Variants in ASCC3 observed in about 807,000 individuals in gnomAD.
The protein encoded by ASCC3 is ASC-1 complex subunit P200.
ASCC3 carries 158 observed loss-of-function variants against 256.3 expected under a neutral mutation model. The observed-to-expected ratio is 0.62, with a 90% CI of 0.54 to 0.70. ASCC3 has a LOEUF of 0.70. Ranked by LOEUF, ASCC3 falls within the 30% of genes least tolerant of loss-of-function variation. The pLI is 0.00. For synonymous variants in ASCC3, 948 were observed against 883.4 expected (o/e 1.07, Z -1.30); for missense variants, 2,259 against 2,626.0 (o/e 0.86, Z 3.05).
At chr6:100,829,495 C>A (rs976666910) in intron 4 of ASCC3, among the ~76,000 whole-genome samples, 1 of 151,994 alleles carries the variant, frequency 6.6e-6, no homozygotes, top group African/African-American at 2.4e-5. Context: ...CGGGGCCCAC[C>A]GAGCCCACGC....
chr6:100,621,662 T>C (rs1051227476), intron 30 of ASCC3, among the ~76,000 whole-genome samples: 1 of 152,142 alleles, frequency 6.6e-6, no homozygotes, highest in Non-Finnish European at 1.5e-5. Context: ...AGTTCAACCA[T>C]TGTGGAAGAC....
intron 34 of ASCC3, among the ~76,000 whole-genome samples, chr6:100,596,961 G>A (rs574717494): frequency 1.3e-4 from 20 of 152,180 alleles, no homozygotes; most frequent in African/African-American, 3.9e-4. Flanking sequence ...CTACTTCAGC[G>A]ACATCTTTTC....
intron 36 of ASCC3, among the ~76,000 whole-genome samples, chr6:100,584,682 T>C (rs889325397): frequency 6.6e-6 from 1 of 152,214 alleles, no homozygotes; most frequent in Non-Finnish European, 1.5e-5. Flanking sequence ...CTAGTCTCGA[T>C]GGTCTTTAGA....
chr6:100,518,097 G>T lies in ASCC3; in HGVS notation c.5821C>A (p.Leu1941Met). The T allele has an allele frequency of 6.2e-7, 1 of 1,613,622 alleles. No homozygotes were observed. The highest frequency in any genetic ancestry group is 8.5e-7 in the Non-Finnish European group (1 of 1,179,712). Residue 1941 changes from leucine to methionine, a missense_variant, in exon 38 of 42, where the codon CTG becomes ATG. Physicochemically the swap from Leu to Met is conservative, Grantham distance 15 (BLOSUM62 2). Around this residue, in one of 2 missense-constraint regions of ASCC3, gnomAD observed 1,839 missense variants for 2,206.7 expected, o/e 0.83. Coordinates refer to ENST00000369162, the MANE Select transcript of ASCC3 (RefSeq NM_006828.4). ...AANQGWLVTVLNITNLIQMVI... is the reference protein window; with the variant it reads ...AANQGWLVTVMNITNLIQMVI... ...ATCTGAATCAGGTTGGTGATATTCA[G>T]GACAGTCACCAGCCAGCCCTGGTTT...
At chr6:100,581,857 T>C (rs1471673985) in intron 36 of ASCC3, among the ~76,000 whole-genome samples, 1 of 150,590 alleles carries the variant, frequency 6.6e-6, no homozygotes, top group Non-Finnish European at 1.5e-5. Context: ...TCCCCATTGC[T>C]TGTTTTTCTC....
chr6:100,742,952 C>A (rs901142206), intron 10 of ASCC3, among the ~76,000 whole-genome samples: 3 of 152,150 alleles, frequency 2.0e-5, no homozygotes, highest in African/African-American at 7.2e-5. Flanking sequence ...CCAGGTGGAC[C>A]TCTCTCGCCT....
At chr6:100,846,678 G>T (rs758518356) in intron 4 of ASCC3, among the ~76,000 whole-genome samples, 3 of 152,158 alleles carry the variant, frequency 2.0e-5, no homozygotes, top group Non-Finnish European at 4.4e-5. Context: ...GTTCAAGCCT[G>T]AAATATGCTC....
chr6:100,563,461 A>G (rs1770060404), intron 36 of ASCC3, among the ~76,000 whole-genome samples: 1 of 152,134 alleles, frequency 6.6e-6, no homozygotes, highest in South Asian at 2.1e-4. Flanking sequence ...CCCTTAACCA[A>G]TGATTTATGA....
chr6:100,758,386 T>A (rs1022949623), intron 10 of ASCC3, among the ~76,000 whole-genome samples: 1 of 151,922 alleles, frequency 6.6e-6, no homozygotes, highest in African/African-American at 2.4e-5. Flanking sequence ...CAAACCCCAA[T>A]AGGTCCTGGT....
chr6:100,522,321 A>G (rs988420160), intron 37 of ASCC3, among the ~76,000 whole-genome samples: 2 of 152,144 alleles, frequency 1.3e-5, no homozygotes, highest in Admixed American at 6.6e-5. Flanking sequence ...TGTGATTTCA[A>G]GCACTGTATC....
At chr6:100,868,990 C>A (rs1199645861) in intron 1 of ASCC3, among the ~76,000 whole-genome samples, 3 of 152,196 alleles carry the variant, frequency 2.0e-5, no homozygotes, top group African/African-American at 7.2e-5. Flanking sequence ...TTTAAGATTG[C>A]TTATTATAAC....
In ASCC3 at chr6:100,822,309, G is replaced by T. The variant is rs557085267; in HGVS notation, c.802-16429C>A. 9.9e-5 allele frequency among the ~76,000 whole-genome samples: 15 copies of T among 152,256 alleles called. No individual in the cohort carries two copies. The East Asian group carries it at 2.5e-3, about 26-fold the overall frequency. On this transcript the variant is annotated intron_variant, in intron 4 of 41. Coordinates refer to ENST00000369162, the MANE Select transcript of ASCC3 (RefSeq NM_006828.4). ...CCCAACATTTTGGGAGGCTGAGGCA[G>T]GCAGATCACTTGAGCTCAGGAGTTC... is the stretch of plus-strand genomic sequence containing the variant.
intron 34 of ASCC3, among the ~76,000 whole-genome samples, chr6:100,593,460 C>T (rs1033450748): frequency 3.3e-5 from 5 of 152,050 alleles, no homozygotes; most frequent in Non-Finnish European, 5.9e-5. Context: ...CATATGAAAT[C>T]TCAAGTTACT....
At chr6:100,731,132 T>A (rs77719152) in intron 10 of ASCC3, among the ~76,000 whole-genome samples, 2 of 152,084 alleles carry the variant, frequency 1.3e-5, no homozygotes, top group Non-Finnish European at 2.9e-5. Context: ...AAAAGGATAA[T>A]TCAAGAAGAA....
At chr6:100,765,765 G>C (rs1781625823) in intron 10 of ASCC3, among the ~76,000 whole-genome samples, 1 of 152,058 alleles carries the variant, frequency 6.6e-6, no homozygotes, top group African/African-American at 2.4e-5. Flanking sequence ...AGATACTTTT[G>C]GTCTATACCA....
intron 36 of ASCC3, among the ~76,000 whole-genome samples, chr6:100,543,145 G>A (rs1399350483): frequency 2.0e-5 from 3 of 152,090 alleles, no homozygotes; most frequent in Non-Finnish European, 4.4e-5. Flanking sequence ...TATATAAAAT[G>A]TGTAGTATTT....
At chr6:100,717,020 C>A (rs1401909592) in intron 12 of ASCC3, among the ~76,000 whole-genome samples, 1 of 151,776 alleles carries the variant, frequency 6.6e-6, no homozygotes, top group Non-Finnish European at 1.5e-5. Context: ...AAAAAACAAG[C>A]AGCAAATATT....
intron 4 of ASCC3, among the ~76,000 whole-genome samples, chr6:100,844,363 A>G (rs947376868): frequency 6.6e-6 from 1 of 151,622 alleles, no homozygotes; most frequent in African/African-American, 2.4e-5. Context: ...TCCATACATA[A>G]CAGGCACTTA....
intron 36 of ASCC3, among the ~76,000 whole-genome samples, chr6:100,583,997 C>T (rs902703485): frequency 2.0e-5 from 3 of 151,938 alleles, no homozygotes; most frequent in East Asian, 3.9e-4. Context: ...GAGGAGAGCT[C>T]TACTTCCAAG....
Sources: allele counts gnomAD v4.1 joint callset (sites outside exome capture counted in the v4.1 genomes callset), GRCh38; gene constraint gnomAD v4.1.1; regional missense constraint gnomAD v4.1.1; transcripts MANE v1.5; gene names NCBI Gene and HGNC (gene_info 2026-07-23, HGNC 2026-07-21).